ROBO1: variants seen among roughly 807,000 people sequenced by gnomAD.
ROBO1 encodes the protein roundabout guidance receptor 1.
ROBO1 carries 149 observed loss-of-function variants against 195.9 expected under a neutral mutation model. That is an observed-to-expected ratio of 0.76 (90% CI 0.67 to 0.87). The LOEUF (loss-of-function observed/expected upper bound fraction) is 0.87, where lower values mean the gene tolerates loss of function less well. ROBO1 is among the 40% of genes least tolerant of loss of function. The pLI is 0.00. For missense variants in ROBO1, 1,933 were observed against 2,068.3 expected (o/e 0.93, Z 1.27); for synonymous variants, 816 against 733.2 (o/e 1.11, Z -1.82).
rs1212749449 is a variant in ROBO1 at position 79,441,521 on chromosome 3, A to T, written c.88+148303T>A. Among the ~76,000 whole-genome samples, 4 of 152,162 alleles carry T rather than the reference A, an allele frequency of 2.6e-5. No homozygotes were observed. In the South Asian group the frequency reaches 8.3e-4, roughly 31 times the overall value. ...GTGATTATGTTCCATTGGCTAGAAC[A>T]TGGAGCTTGAATAGATCTGTTTTAT... On this transcript the variant is annotated intron_variant, in intron 2 of 30. Transcript: ENST00000464233.
At chr3:78,906,228 A>G (rs551502417) in intron 4 of ROBO1, among the ~76,000 whole-genome samples, 50 of 152,178 alleles carry the variant, frequency 3.3e-4, no homozygotes, top group African/African-American at 1.1e-3. Context: ...CGTGTGCCCC[A>G]AACTCCTCTC....
At chr3:79,323,429 A>G (rs902917788) in intron 2 of ROBO1, among the ~76,000 whole-genome samples, 1 of 152,140 alleles carries the variant, frequency 6.6e-6, no homozygotes, top group Non-Finnish European at 1.5e-5. Context: ...GAGGTGATAT[A>G]TCTGCACTAA....
intron 2 of ROBO1, among the ~76,000 whole-genome samples, chr3:79,266,093 C>G (rs1342943400): frequency 6.6e-6 from 1 of 151,342 alleles, no homozygotes; most frequent in African/African-American, 2.4e-5. Flanking sequence ...TGCATTTACC[C>G]ATGAGCTATT....
chr3:79,596,109 C>T (rs554710022), intron 1 of ROBO1, among the ~76,000 whole-genome samples: 39 of 151,916 alleles, frequency 2.6e-4, no homozygotes, highest in Non-Finnish European at 5.2e-4. Flanking sequence ...AATCAATCAC[C>T]CAAAATCAAT....
chr3:78,697,246 G>A (rs375546509), intron 8 of ROBO1, among the ~76,000 whole-genome samples: 77 of 152,026 alleles, frequency 5.1e-4, no homozygotes, highest in Middle Eastern at 6.8e-3. Context: ...AAGAAAGGAA[G>A]GAAGGAAATA....
At chr3:78,761,793 G>C (rs1465014003) in intron 4 of ROBO1, among the ~76,000 whole-genome samples, 1 of 152,022 alleles carries the variant, frequency 6.6e-6, no homozygotes, top group East Asian at 1.9e-4. Flanking sequence ...TGCAATTACC[G>C]ATCATTCATT....
At chr3:79,704,976 A>G (rs958517025) in intron 1 of ROBO1, among the ~76,000 whole-genome samples, 4 of 151,802 alleles carry the variant, frequency 2.6e-5, no homozygotes, top group African/African-American at 9.7e-5. Context: ...TGCCTTCTCT[A>G]TATCTTCTTT....
At chr3:79,025,377 C>A (rs1363845825) in intron 3 of ROBO1, among the ~76,000 whole-genome samples, 3 of 152,052 alleles carry the variant, frequency 2.0e-5, no homozygotes, top group Non-Finnish European at 4.4e-5. Context: ...ATCTAAGATA[C>A]TATATATATT....
intron 3 of ROBO1, among the ~76,000 whole-genome samples, chr3:79,096,333 G>C (rs1016511803): frequency 6.6e-6 from 1 of 151,838 alleles, no homozygotes; most frequent in African/African-American, 2.4e-5. Context: ...GATTTCTTTA[G>C]AATGTAGAAA....
chr3:79,638,881 A>C (rs552652010), intron 1 of ROBO1, among the ~76,000 whole-genome samples: 1 of 152,308 alleles, frequency 6.6e-6, no homozygotes, highest in Admixed American at 6.5e-5. Context: ...TTATGTGCCT[A>C]AGACTTTTAA....
chr3:78,682,758 A>T (rs1438279707), intron 10 of ROBO1, among the ~76,000 whole-genome samples: 2 of 148,036 alleles, frequency 1.4e-5, no homozygotes, highest in Non-Finnish European at 3.0e-5. Flanking sequence ...TATAATATAT[A>T]GGAATAAAAT....
At chr3:79,001,361 G>C (rs576475198) in intron 3 of ROBO1, among the ~76,000 whole-genome samples, 6 of 152,100 alleles carry the variant, frequency 3.9e-5, no homozygotes, top group South Asian at 4.2e-4. Flanking sequence ...GGAAATAACT[G>C]CCCCCATGTT....
chr3:79,299,632 T>C (rs1490615952), intron 2 of ROBO1, among the ~76,000 whole-genome samples: 1 of 152,174 alleles, frequency 6.6e-6, no homozygotes, highest in Admixed American at 6.5e-5. Context: ...GGAGGAAATA[T>C]TCTGCCTGAG....
rs139646305 is a variant in ROBO1, at chr3:79,177,107, C to CT, written c.89-51569dup. Among the ~76,000 whole-genome samples, 1,328 of 152,240 alleles carry CT rather than the reference C, an allele frequency of 8.7e-3. 25 individuals carry two copies. Among genetic ancestry groups the CT allele is most frequent in the African/African-American group, 0.03 (1,247 of 41,538 alleles). ...TAATTAGCTCTAAAAAATTTCAGTA[C>CT]TTTTTTTAAAATTTTTCATTTCTTG... On this transcript the variant is annotated intron_variant, in intron 2 of 30. Transcript: ENST00000464233.
intron 2 of ROBO1, among the ~76,000 whole-genome samples, chr3:79,129,158 C>T (rs1449724912): frequency 6.6e-6 from 1 of 152,130 alleles, no homozygotes; most frequent in Non-Finnish European, 1.5e-5. Context: ...AACTGATCGG[C>T]TTGTTTTCAA....
intron 1 of ROBO1, among the ~76,000 whole-genome samples, chr3:79,619,473 G>T (rs2107968328): frequency 6.6e-6 from 1 of 152,080 alleles, no homozygotes; most frequent in Middle Eastern, 3.4e-3. Flanking sequence ...GGTTCTAAAT[G>T]GCCAGAAAAT....
intron 4 of ROBO1, among the ~76,000 whole-genome samples, chr3:78,760,806 C>G (rs1576110195): frequency 1.3e-5 from 2 of 151,270 alleles, no homozygotes; most frequent in East Asian, 3.9e-4. Flanking sequence ...TGTGCCCAGC[C>G]AAATTTTTAT....
intron 18 of ROBO1, 135 bp downstream of exon 18, chr3:78,656,963 C>T: frequency 3.8e-6 from 3 of 796,758 alleles, no homozygotes; most frequent in Non-Finnish European, 3.8e-6. Flanking sequence ...AAGCTAACAC[C>T]TTTTTGTAGC....
At chr3:79,663,046 A>T (rs1469216512) in intron 1 of ROBO1, among the ~76,000 whole-genome samples, 1 of 152,116 alleles carries the variant, frequency 6.6e-6, no homozygotes, top group African/African-American at 2.4e-5. Context: ...GATTCTCACA[A>T]GTGGGAGCTA....
Sources: gnomAD v4.1 joint callset for allele counts (sites outside exome capture counted in the v4.1 genomes callset) on GRCh38, gnomAD v4.1.1 for gene constraint, MANE v1.5 for transcripts, NCBI Gene and HGNC (gene_info 2026-07-23, HGNC 2026-07-21) for gene names.